The following MAST4 variants were observed in gnomAD, a reference collection of about 807,000 sequenced individuals.
MAST4 encodes the protein microtubule-associated serine/threonine-protein kinase 4.
In MAST4, 89 loss-of-function variants were observed where a neutral mutation model predicts 162.7. The ratio of observed to expected loss-of-function variants is 0.55; its 90% CI spans 0.46 to 0.65. MAST4 has a LOEUF of 0.65. MAST4 is among the 30% of genes least tolerant of loss of function. The pLI, the probability that MAST4 is intolerant of heterozygous loss-of-function variation, is 0.00. For synonymous variants in MAST4, 1,479 were observed against 1,361.1 expected, an observed-to-expected ratio of 1.09 and a Z score of -1.91; for missense variants, 3,153 against 3,374.0, an observed-to-expected ratio of 0.93 and a Z score of 1.62.
chr5:67,152,628 T>C lies in MAST4; in HGVS notation c.3296-9T>C, dbSNP rs755703227. Reference sequence around the variant, plus strand: ...ACATGGGCTTTGATGACTGGCTTCTTTGTTACAGATATGTTTGCTGTTTCC... The same window carrying C: ...ACATGGGCTTTGATGACTGGCTTCTCTGTTACAGATATGTTTGCTGTTTCC... On this transcript the variant is annotated splice_polypyrimidine_tract_variant and intron_variant, in intron 24 of 28. Coordinates refer to ENST00000403625, the MANE Select transcript of MAST4 (RefSeq NM_001164664.2). 3 of 1,612,004 alleles carry C rather than the reference T, an allele frequency of 1.9e-6. No homozygotes were observed. The highest frequency in any genetic ancestry group is 2.5e-6 in the Non-Finnish European group (3 of 1,178,092).
chr5:66,778,053 TC>T (rs1029147707), intron 2 of MAST4, among the ~76,000 whole-genome samples: 2 of 152,190 alleles, frequency 1.3e-5, no homozygotes, highest in African/African-American at 4.8e-5. Flanking sequence ...AACACTGACC[TC>T]TGCCTAGCAT....
chr5:66,829,114 G>GGTTT, intron 3 of MAST4, among the ~76,000 whole-genome samples: 1 of 152,050 alleles, frequency 6.6e-6, no homozygotes, highest in East Asian at 1.9e-4. Context: ...ACACTTTGGT[G>GGTTT]GTTTGTTTTT....
At chr5:66,839,997 A>C (rs1457738896) in intron 3 of MAST4, among the ~76,000 whole-genome samples, 1 of 152,082 alleles carries the variant, frequency 6.6e-6, no homozygotes, top group Non-Finnish European at 1.5e-5. Flanking sequence ...GTTCTTGGGC[A>C]ACAAATGAGA....
Position 67,166,847 on chromosome 5 carries a change from C to T in MAST4, c.7668C>T (p.Thr2556=). Residue 2556 remains threonine, a synonymous_variant, in exon 29 of 29, where the codon ACC becomes ACT. Coordinates refer to ENST00000403625, the MANE Select transcript of MAST4 (RefSeq NM_001164664.2). ...HRDRALSVTA[T]VGETKGKDPA... ...ACAGGGCTCTCTCGGTGACTGCCACCGTAGGGGAAACCAAAGGGAAGGACC... is the reference window on the plus strand; with the variant it reads ...ACAGGGCTCTCTCGGTGACTGCCACTGTAGGGGAAACCAAAGGGAAGGACC... 6.2e-7 allele frequency: 1 copy of T among 1,605,228 alleles called. No individual in the cohort carries two copies. Among genetic ancestry groups the T allele is most frequent in the Non-Finnish European group, 8.5e-7 (1 of 1,176,424 alleles).
At chr5:66,883,722 C>T (rs1381100983) in intron 3 of MAST4, among the ~76,000 whole-genome samples, 3 of 152,078 alleles carry the variant, frequency 2.0e-5, no homozygotes, top group Non-Finnish European at 2.9e-5. Context: ...CCACCGCGCC[C>T]GGCTTTTATA....
At chr5:66,937,953 A>G (rs1288883435) in intron 4 of MAST4, among the ~76,000 whole-genome samples, 2 of 151,660 alleles carry the variant, frequency 1.3e-5, no homozygotes, top group African/African-American at 4.8e-5. Context: ...TTCTTCTTTT[A>G]TACCACCTTT....
At chr5:67,080,942 T>C (rs1487266800) in intron 5 of MAST4, among the ~76,000 whole-genome samples, 1 of 139,452 alleles carries the variant, frequency 7.2e-6, no homozygotes. Flanking sequence ...ATTATATATA[T>C]TATATAATAT....
chr5:67,131,416 G>A (rs1321202906), intron 15 of MAST4, among the ~76,000 whole-genome samples: 1 of 152,118 alleles, frequency 6.6e-6, no homozygotes, highest in African/African-American at 2.4e-5. Context: ...ACAGGTGAAG[G>A]AACCAAGAGT....
chr5:67,086,175 G>A (rs774992343), intron 5 of MAST4, among the ~76,000 whole-genome samples: 1 of 152,164 alleles, frequency 6.6e-6, no homozygotes, highest in Non-Finnish European at 1.5e-5. Flanking sequence ...AGTTTAAATA[G>A]CAATTATCAT....
intron 4 of MAST4, among the ~76,000 whole-genome samples, chr5:67,049,202 T>C (rs1275585084): frequency 1.3e-5 from 2 of 151,372 alleles, no homozygotes; most frequent in African/African-American, 4.9e-5. Flanking sequence ...CTCTTTCTAG[T>C]TTCTATATCT....
At chr5:67,089,734 G>A (rs1012300594) in intron 5 of MAST4, among the ~76,000 whole-genome samples, 14 of 152,164 alleles carry the variant, frequency 9.2e-5, no homozygotes, top group African/African-American at 2.9e-4. Flanking sequence ...TAAACAAAAA[G>A]TACTAAGGCT....
At chr5:66,727,401 G>A (rs763472705) in intron 1 of MAST4, among the ~76,000 whole-genome samples, 2 of 152,154 alleles carry the variant, frequency 1.3e-5, no homozygotes, top group Non-Finnish European at 2.9e-5. Flanking sequence ...CGGTCTGAAA[G>A]TCACCTGCAC....
chr5:67,132,541 G>A (rs1023674668), intron 16 of MAST4, among the ~76,000 whole-genome samples: 1 of 151,898 alleles, frequency 6.6e-6, no homozygotes, highest in Admixed American at 6.6e-5. Flanking sequence ...AGTGCTTGAT[G>A]TTACATTCTA....
chr5:66,949,264 G>C (rs1040487062), intron 4 of MAST4, among the ~76,000 whole-genome samples: 1 of 152,038 alleles, frequency 6.6e-6, no homozygotes, highest in Non-Finnish European at 1.5e-5. Flanking sequence ...GCAATGATAT[G>C]GTTTTGTCCT....
At chr5:67,079,133 G>A (rs1762303832) in intron 5 of MAST4, among the ~76,000 whole-genome samples, 1 of 150,092 alleles carries the variant, frequency 6.7e-6, no homozygotes, top group African/African-American at 2.5e-5. Flanking sequence ...CCAAAGTTTT[G>A]CTCATAGGAA....
chr5:66,671,507 G>C (rs1747611170), intron 1 of MAST4, among the ~76,000 whole-genome samples: 1 of 152,198 alleles, frequency 6.6e-6, no homozygotes, highest in African/African-American at 2.4e-5. Flanking sequence ...AGCTGCAAGA[G>C]TATCTGGGAA....
intron 1 of MAST4, among the ~76,000 whole-genome samples, chr5:66,702,602 A>C (rs1052033958): frequency 6.6e-6 from 1 of 152,188 alleles, no homozygotes; most frequent in Non-Finnish European, 1.5e-5. Context: ...GGGAATCTGC[A>C]GCAGGAGGCT....
rs1322666359 is a variant in MAST4, at chr5:67,153,441, C to G, written c.3526-17C>G. On this transcript the variant is annotated splice_polypyrimidine_tract_variant and intron_variant, in intron 25 of 28. Coordinates refer to ENST00000403625, the MANE Select transcript of MAST4 (RefSeq NM_001164664.2). ...TCATTTGTTTGCCTACAAATATCCT[C>G]TCCTCTTGGACTTTAGAATGTAGAA... The G allele has an allele frequency of 6.3e-7, 1 of 1,597,518 alleles. No homozygotes were observed. Among genetic ancestry groups the G allele is most frequent in the Non-Finnish European group, 8.5e-7 (1 of 1,172,178 alleles).
At chr5:66,659,430 G>T (rs7706654) in intron 1 of MAST4, among the ~76,000 whole-genome samples, 1 of 151,984 alleles carries the variant, frequency 6.6e-6, no homozygotes, top group Non-Finnish European at 1.5e-5. Context: ...CAATGAGACA[G>T]TGGATTTGTA....
Sources: gnomAD v4.1 joint callset for allele counts (sites outside exome capture counted in the v4.1 genomes callset) on GRCh38, gnomAD v4.1.1 for gene constraint, MANE v1.5 for transcripts, NCBI Gene and HGNC (gene_info 2026-07-23, HGNC 2026-07-21) for gene names.